Variants in STOX2 observed in about 807,000 individuals in gnomAD.
STOX2 encodes storkhead-box protein 2.
STOX2 carries 28 observed loss-of-function variants against 60.9 expected under a neutral mutation model. That is an observed-to-expected ratio of 0.46 (90% CI 0.34 to 0.63). STOX2 has a LOEUF of 0.63. Ranked by LOEUF, STOX2 falls within the 30% of genes least tolerant of loss-of-function variation. The pLI is 0.01. For missense variants in STOX2, 1,024 were observed against 1,187.7 expected (o/e 0.86, Z 2.03); for synonymous variants, 472 against 463.9 (o/e 1.02, Z -0.22).
intron 1 of STOX2, among the ~76,000 whole-genome samples, chr4:183,929,971 C>T (rs1161897144): frequency 6.6e-6 from 1 of 152,074 alleles, no homozygotes; most frequent in Non-Finnish European, 1.5e-5. Context: ...TCACGCCATT[C>T]TCCTGCCTCA....
At chr4:183,847,773 T>A (rs955671296) in intron 1 of STOX2, among the ~76,000 whole-genome samples, 3 of 152,200 alleles carry the variant, frequency 2.0e-5, no homozygotes, top group Admixed American at 6.5e-5. Flanking sequence ...CAGATTAAGT[T>A]GATTTTGACA....
At chr4:184,000,254 T>C (rs17075200) in intron 1 of STOX2, among the ~76,000 whole-genome samples, 2,110 of 152,266 alleles carry the variant, frequency 0.014, 32 homozygotes, top group Middle Eastern at 0.048. Context: ...AATCACTGAC[T>C]GCACTGTGGT....
chr4:183,929,484 T>C (rs1333880947), intron 1 of STOX2, among the ~76,000 whole-genome samples: 1 of 152,152 alleles, frequency 6.6e-6, no homozygotes, highest in Non-Finnish European at 1.5e-5. Flanking sequence ...TGAGTGGAGT[T>C]TGGGGACATA....
At chr4:183,901,851 A>C (rs932419010), upstream of STOX2, among the ~76,000 whole-genome samples, 1 of 152,070 alleles carries the variant, frequency 6.6e-6, no homozygotes, top group Non-Finnish European at 1.5e-5. Context: ...TATCAGATAT[A>C]TGCTTTATAA....
chr4:183,863,092 TG>T (rs950877554), intron 1 of STOX2, among the ~76,000 whole-genome samples: 65 of 152,334 alleles, frequency 4.3e-4, no homozygotes, highest in African/African-American at 1.5e-3. Context: ...GGTAGCCTTG[TG>T]TCTCCCACAA....
intron 1 of STOX2, chr4:183,987,856 C>G (rs972022780): frequency 6.6e-6 from 1 of 152,198 alleles, no homozygotes; most frequent in Non-Finnish European, 1.5e-5. Flanking sequence ...AGGAGGGAGA[C>G]GCGTCCTTCG....
intron 1 of STOX2, among the ~76,000 whole-genome samples, chr4:183,827,418 G>A (rs1242126804): frequency 6.6e-6 from 1 of 152,102 alleles, no homozygotes; most frequent in Non-Finnish European, 1.5e-5. Context: ...CTTGAACCCA[G>A]GAGTTTGAAG....
At chr4:183,937,569 A>G (rs1742623062) in intron 1 of STOX2, among the ~76,000 whole-genome samples, 2 of 152,144 alleles carry the variant, frequency 1.3e-5, no homozygotes, top group African/African-American at 4.8e-5. Context: ...AGGCATTGAA[A>G]CACCAATAGC....
At chr4:183,938,166 A>G (rs544383795) in intron 1 of STOX2, among the ~76,000 whole-genome samples, 1 of 152,140 alleles carries the variant, frequency 6.6e-6, no homozygotes, top group Non-Finnish European at 1.5e-5. Flanking sequence ...AAAACAAAAC[A>G]GTTCTGAACT....
At chr4:183,959,407 T>A (rs758489968) in intron 1 of STOX2, among the ~76,000 whole-genome samples, 2 of 152,190 alleles carry the variant, frequency 1.3e-5, no homozygotes, top group Non-Finnish European at 2.9e-5. Context: ...TTAATTTATT[T>A]CTCATGCTTT....
intron 1 of STOX2, among the ~76,000 whole-genome samples, chr4:183,850,660 T>G (rs892548093): frequency 7.9e-5 from 12 of 150,952 alleles, no homozygotes; most frequent in Admixed American, 4.0e-4. Context: ...ACCCAGGAGG[T>G]GGAGGCTGCA....
intron 1 of STOX2, among the ~76,000 whole-genome samples, chr4:183,835,287 C>A (rs934937703): frequency 6.6e-6 from 1 of 150,640 alleles, no homozygotes; most frequent in African/African-American, 2.5e-5. Context: ...TGCAGTGGCG[C>A]AATCTCAGTG....
intron 1 of STOX2, among the ~76,000 whole-genome samples, chr4:183,822,869 G>A (rs1199572227): frequency 6.6e-6 from 1 of 152,196 alleles, no homozygotes; most frequent in Admixed American, 6.5e-5. Flanking sequence ...CTGAAATTCA[G>A]AGAGGTTAAG....
In STOX2 at chr4:183,845,139, A is replaced by G. The variant is rs149033315; in HGVS notation, c.364+47084A>G. On this transcript the variant is annotated intron_variant, in intron 1 of 2. Coordinates refer to the STOX2 transcript ENST00000513034. ...GAAATGTCCACCATAGGTAAATACAAAATAGACAGTAATACGTACAATCAC... is the reference window on the plus strand; with the variant it reads ...GAAATGTCCACCATAGGTAAATACAGAATAGACAGTAATACGTACAATCAC... 3.3e-5 allele frequency among the ~76,000 whole-genome samples: 5 copies of G among 152,334 alleles called. No individual in the cohort carries two copies. In the East Asian group the frequency reaches 9.7e-4, roughly 29 times the overall value.
At chr4:183,991,703 C>T (rs1415963492) in intron 1 of STOX2, among the ~76,000 whole-genome samples, 1 of 152,144 alleles carries the variant, frequency 6.6e-6, no homozygotes, top group Admixed American at 6.5e-5. Flanking sequence ...GGATTACAAG[C>T]ATGAGCCACC....
chr4:183,848,415 C>T (rs746238698), intron 1 of STOX2, among the ~76,000 whole-genome samples: 15 of 152,250 alleles, frequency 9.9e-5, no homozygotes, highest in South Asian at 2.1e-4. Context: ...AGAAAGCCCC[C>T]GTCAGAAGAC....
intron 1 of STOX2, among the ~76,000 whole-genome samples, chr4:183,871,160 G>A (rs1458862800): frequency 1.3e-5 from 2 of 152,230 alleles, no homozygotes; most frequent in East Asian, 3.8e-4. Context: ...AGGGAGCACA[G>A]TCTTTATTCC....
intron 1 of STOX2, among the ~76,000 whole-genome samples, chr4:183,908,143 C>G (rs1298156402): frequency 6.6e-6 from 1 of 152,156 alleles, no homozygotes; most frequent in African/African-American, 2.4e-5. Flanking sequence ...AATAAAAGAA[C>G]CATCTTTTTT....
chr4:183,962,348 A>T (rs1480815222), intron 1 of STOX2, among the ~76,000 whole-genome samples: 1 of 152,100 alleles, frequency 6.6e-6, no homozygotes, highest in Non-Finnish European at 1.5e-5. Context: ...GCAAAATTCT[A>T]ATCTTTTATA....
Sources: gnomAD v4.1 joint callset for allele counts (sites outside exome capture counted in the v4.1 genomes callset) on GRCh38, gnomAD v4.1.1 for gene constraint, MANE v1.5 for transcripts, NCBI Gene and HGNC (gene_info 2026-07-23, HGNC 2026-07-21) for gene names.